The following NCALD variants were observed in gnomAD, a reference collection of about 807,000 sequenced individuals.
NCALD encodes the protein neurocalcin-delta.
A neutral mutation model predicts 18.6 loss-of-function variants in NCALD; 10 were observed. That is an observed-to-expected ratio of 0.54 (90% confidence interval 0.33 to 0.91). The LOEUF is 0.91. Ranked by LOEUF, NCALD falls within the 40% of genes least tolerant of loss-of-function variation. The probability of loss-of-function intolerance (pLI) is 0.03; values close to 1 mark genes in which losing one functional copy is unlikely to be tolerated. For missense variants in NCALD, 184 were observed against 247.6 expected, an observed-to-expected ratio of 0.74 and a Z score of 1.72; for synonymous variants, 88 against 87.4, an observed-to-expected ratio of 1.01 and a Z score of -0.04.
chr8:101,899,549 G>A (rs1817340355), intron 3 of NCALD, among the ~76,000 whole-genome samples: 1 of 151,816 alleles, frequency 6.6e-6, no homozygotes, highest in Non-Finnish European at 1.5e-5. Flanking sequence ...ATCAATTTGA[G>A]GGAGATTCCT....
chr8:102,032,166 T>A (rs534432786), intron 1 of NCALD, among the ~76,000 whole-genome samples: 120 of 152,234 alleles, frequency 7.9e-4, no homozygotes, highest in African/African-American at 2.8e-3. Flanking sequence ...GAAGTCACAC[T>A]CCGTCACCAA....
chr8:102,068,492 C>T (rs2132284832), intron 1 of NCALD, among the ~76,000 whole-genome samples: 1 of 152,314 alleles, frequency 6.6e-6, no homozygotes, highest in South Asian at 2.1e-4. Context: ...CTTCACAAGG[C>T]TTGAGTTGCT....
chr8:101,994,806 T>C (rs1821177186), intron 2 of NCALD, among the ~76,000 whole-genome samples: 1 of 152,244 alleles, frequency 6.6e-6, no homozygotes, highest in African/African-American at 2.4e-5. Flanking sequence ...ATAAAGCACC[T>C]AGAACAATAC....
In NCALD at chr8:102,065,918, C is replaced by A. The variant is rs561111886; in HGVS notation, c.-209-45629G>T. Among the ~76,000 whole-genome samples, 11 of 152,310 alleles carry A rather than the reference C, an allele frequency of 7.2e-5. 1 individual carries two copies. In the South Asian group the frequency reaches 2.3e-3, roughly 32 times the overall value. ...GTGGGTTTCTTGACAATTTTTATAA[C>A]TATATATGATTTTATAACTGTATAT... On this transcript the variant is annotated intron_variant, in intron 1 of 6. Coordinates refer to the NCALD transcript ENST00000311028.
intron 1 of NCALD, among the ~76,000 whole-genome samples, chr8:101,771,055 C>G (rs565428528): frequency 3.9e-5 from 6 of 152,186 alleles, no homozygotes; most frequent in African/African-American, 1.4e-4. Flanking sequence ...CAATTCCCCA[C>G]CCCTATATCA....
chr8:102,101,933 G>A (rs1010304652), intron 1 of NCALD, among the ~76,000 whole-genome samples: 1 of 152,116 alleles, frequency 6.6e-6, no homozygotes, highest in African/African-American at 2.4e-5. Context: ...GTGGGAGAAT[G>A]ACTTCTAAAT....
At chr8:101,759,690 C>A (rs1453489236) in intron 1 of NCALD, among the ~76,000 whole-genome samples, 1 of 152,100 alleles carries the variant, frequency 6.6e-6, no homozygotes, top group Non-Finnish European at 1.5e-5. Flanking sequence ...CAAAGAAGAC[C>A]AGACAAAATT....
At chr8:102,052,926 A>T (rs1022255653) in intron 1 of NCALD, among the ~76,000 whole-genome samples, 4 of 152,200 alleles carry the variant, frequency 2.6e-5, no homozygotes, top group Non-Finnish European at 5.9e-5. Flanking sequence ...TTTTTTCCCC[A>T]GCCATTTAAA....
intron 2 of NCALD, among the ~76,000 whole-genome samples, chr8:101,957,882 C>T (rs925086793): frequency 2.0e-5 from 3 of 152,136 alleles, no homozygotes; most frequent in African/African-American, 7.2e-5. Flanking sequence ...TGTCATAGAT[C>T]GAGGTACCCC....
chr8:101,891,063 T>C (rs1213727396), intron 3 of NCALD, among the ~76,000 whole-genome samples: 2 of 152,196 alleles, frequency 1.3e-5, no homozygotes, highest in African/African-American at 4.8e-5. Context: ...ATACAAATGG[T>C]ATCTTTTTCA....
Position 101,994,088 on chromosome 8 carries a change from T to G in NCALD, c.-157+26149A>C, listed in dbSNP as rs146690375. ...GCCATAAGAATATCTTTAGGCAGCA[T>G]TTTTTCCTGAAGCTTCTTTTACTTA... On this transcript the variant is annotated intron_variant, in intron 2 of 6. Transcript: ENST00000311028. Among the ~76,000 whole-genome samples the G allele has an allele frequency of 7.2e-5, 11 of 152,312 alleles. No individual in the cohort carries two copies. In the East Asian group the frequency reaches 2.1e-3, roughly 29 times the overall value.
intron 4 of NCALD, among the ~76,000 whole-genome samples, chr8:101,842,200 G>T (rs1814671242): frequency 6.6e-6 from 1 of 152,078 alleles, no homozygotes; most frequent in Non-Finnish European, 1.5e-5. Flanking sequence ...CTGGATTAGG[G>T]CCCACCCTAA....
rs149824492 is a variant in NCALD, at chr8:102,000,041, G to A, written c.-157+20196C>T. Among the ~76,000 whole-genome samples the A allele has an allele frequency of 6.3e-3, 954 of 152,310 alleles. 9 individuals carry two copies. The highest frequency in any genetic ancestry group is 0.021 in the African/African-American group (888 of 41,562). ...GGGGATTGTCGGACAGTGGGTGCAG[G>A]ACAGTGGGTCCAGCGCACCGAGCGT... On this transcript the variant is annotated intron_variant, in intron 2 of 6. Coordinates refer to the NCALD transcript ENST00000311028.
intron 2 of NCALD, chr8:101,694,394 C>T (rs912143153): frequency 6.6e-6 from 1 of 152,184 alleles, no homozygotes; most frequent in Non-Finnish European, 1.5e-5. Context: ...CTAACATGTT[C>T]TGGATAAGGT....
chr8:102,088,470 C>T (rs1321494404), intron 1 of NCALD, among the ~76,000 whole-genome samples: 2 of 151,686 alleles, frequency 1.3e-5, no homozygotes, highest in Admixed American at 6.6e-5. Flanking sequence ...TAAAAGTCAG[C>T]TTAATTAAAA....
At chr8:101,937,369 G>A (rs528266009) in intron 2 of NCALD, among the ~76,000 whole-genome samples, 72 of 152,178 alleles carry the variant, frequency 4.7e-4, no homozygotes, top group African/African-American at 1.7e-3. Flanking sequence ...AGAACCCAGT[G>A]TCTGTTGTTC....
intron 4 of NCALD, among the ~76,000 whole-genome samples, chr8:101,803,172 C>T (rs1812934531): frequency 6.6e-6 from 1 of 152,156 alleles, no homozygotes; most frequent in South Asian, 2.1e-4. Flanking sequence ...AACTTGAAGT[C>T]AGTGCTCATT....
intron 3 of NCALD, among the ~76,000 whole-genome samples, chr8:101,903,487 C>T (rs1817508623): frequency 6.6e-6 from 1 of 152,170 alleles, no homozygotes; most frequent in Non-Finnish European, 1.5e-5. Context: ...TGAGCCACCA[C>T]ACCCAGGCTA....
chr8:101,932,793 TAAAACA>T (rs777345923), intron 2 of NCALD, among the ~76,000 whole-genome samples: 4 of 152,178 alleles, frequency 2.6e-5, no homozygotes, highest in Non-Finnish European at 5.9e-5. Context: ...CACACTGTAA[TAAAACA>T]AACTTAAATG....
Sources: gnomAD v4.1 joint callset for allele counts (sites outside exome capture counted in the v4.1 genomes callset) on GRCh38, gnomAD v4.1.1 for gene constraint, MANE v1.5 for transcripts, NCBI Gene and HGNC (gene_info 2026-07-23, HGNC 2026-07-21) for gene names.